The following PPIL4 variants were observed in gnomAD, a reference collection of about 807,000 sequenced individuals.
PPIL4 encodes the protein peptidyl-prolyl cis-trans isomerase-like 4.
Under a neutral mutation model 69.1 loss-of-function variants are expected in PPIL4, and 50 were observed. The ratio of observed to expected loss-of-function variants is 0.72; its 90% CI spans 0.58 to 0.92. The LOEUF (loss-of-function observed/expected upper bound fraction) is 0.92. Ranked by LOEUF, PPIL4 falls within the 40% of genes least tolerant of loss-of-function variation. The probability of loss-of-function intolerance (pLI) is 0.00; values close to 1 mark genes in which losing one functional copy is unlikely to be tolerated. For synonymous variants in PPIL4, 193 were observed against 191.6 expected (o/e 1.01, Z -0.06); for missense variants, 480 against 587.9 (o/e 0.82, Z 1.90).
chr6:149,544,945 G>T (rs1284502769), intron 1 of PPIL4, among the ~76,000 whole-genome samples: 1 of 152,116 alleles, frequency 6.6e-6, no homozygotes, highest in African/African-American at 2.4e-5. Flanking sequence ...CCTGGTCTCA[G>T]TTTCTTCCTG....
chr6:149,541,073 T>A lies in PPIL4; in HGVS notation c.204-14A>T. On this transcript the variant is annotated splice_polypyrimidine_tract_variant and intron_variant, in intron 3 of 12. Coordinates refer to ENST00000253329, the MANE Select transcript of PPIL4 (RefSeq NM_139126.4). ...CCATACAGTTGGCTGAAAAAACATA[T>A]AAGGTTATAAATGTAAGTACTCTCA... The A allele has an allele frequency of 6.8e-7, 1 of 1,461,020 alleles. No homozygotes were observed. The highest frequency in any genetic ancestry group is 2.3e-5 in the East Asian group (1 of 44,076). 90.5% of individuals were successfully genotyped at this position (1,461,020 alleles called of 1,614,324 possible).
At position 149,537,490 on chromosome 6, in the gene PPIL4, G is replaced by A. The variant is rs376163490; in HGVS notation, c.322-1752C>T. Among the ~76,000 whole-genome samples the A allele has an allele frequency of 5.3e-5, 8 of 152,104 alleles. No homozygotes were observed. The South Asian group carries it at 1.5e-3, about 28-fold the overall frequency. The stretch of plus-strand genomic sequence containing the variant: ...TGGGAGGCCGAGGCGGGTGGATCAC[G>A]AGGTCAGGAGATCAAGACCATCCTG... On this transcript the variant is annotated intron_variant, in intron 4 of 12. Transcript: ENST00000253329.
chr6:149,520,785 G>A (rs1016557263), intron 10 of PPIL4, among the ~76,000 whole-genome samples: 5 of 152,072 alleles, frequency 3.3e-5, no homozygotes, highest in Non-Finnish European at 5.9e-5. Flanking sequence ...AGGCCAAGGC[G>A]GTGGATTACC....
intron 10 of PPIL4, among the ~76,000 whole-genome samples, chr6:149,520,222 C>CAT (rs146286749): frequency 4.2e-4 from 63 of 150,572 alleles, no homozygotes; most frequent in South Asian, 1.5e-3. Flanking sequence ...AGGAGAAAAT[C>CAT]ATATATATAT....
chr6:149,545,308 T>C (rs916000555), intron 1 of PPIL4, among the ~76,000 whole-genome samples: 1 of 152,218 alleles, frequency 6.6e-6, no homozygotes, highest in Admixed American at 6.5e-5. Context: ...CGCCCTCTTC[T>C]GGTTTCCGTG....
At chr6:149,517,500 C>CA (rs1318439408) in intron 10 of PPIL4, 50 bp from the exon 11 acceptor site, 1 of 808,274 alleles carries the variant, frequency 1.2e-6, no homozygotes, top group Non-Finnish European at 1.9e-6. Context: ...ACCACCTAAC[C>CA]AAGAACAATA....
chr6:149,521,467 T>C (rs1458773104), intron 9 of PPIL4, among the ~76,000 whole-genome samples: 1 of 152,184 alleles, frequency 6.6e-6, no homozygotes, highest in Non-Finnish European at 1.5e-5. Context: ...AACAGATAAA[T>C]ATACACTTAC....
chr6:149,529,278 T>C (rs929570045), intron 7 of PPIL4, among the ~76,000 whole-genome samples: 1 of 148,252 alleles, frequency 6.7e-6, no homozygotes, highest in Non-Finnish European at 1.5e-5. Flanking sequence ...CCGGGCAACA[T>C]AGTGAGACTC....
At chr6:149,530,377 T>TCTTCCTTACAGTAGAATG in intron 7 of PPIL4, among the ~76,000 whole-genome samples, 1 of 152,088 alleles carries the variant, frequency 6.6e-6, no homozygotes, top group Non-Finnish European at 1.5e-5. Context: ...AAGGGAGGGC[T>TCTTCCTTACAGTAGAATG]CAGGCGGGCA....
chr6:149,505,930 G>A (rs116583274), intron 12 of PPIL4, among the ~76,000 whole-genome samples: 99 of 152,258 alleles, frequency 6.5e-4, no homozygotes, highest in African/African-American at 2.2e-3. Flanking sequence ...TGGCTGAAAC[G>A]AAGGATCAGC....
At chr6:149,517,662 C>T (rs527688682) in intron 10 of PPIL4, 5 of 420,774 alleles carry the variant, frequency 1.2e-5, no homozygotes, top group Non-Finnish European at 1.7e-5. Context: ...TGCCACCTAA[C>T]GATATATGTG....
intron 5 of PPIL4, among the ~76,000 whole-genome samples, chr6:149,535,087 T>A (rs1324593934): frequency 6.6e-6 from 1 of 152,238 alleles, no homozygotes; most frequent in African/African-American, 2.4e-5. Flanking sequence ...CTGGGTGCAG[T>A]GGCTCATTCC....
rs1014701584 is a variant in PPIL4, at chr6:149,504,888, C to T, written c.*565G>A. ...TAAGTTGTAGTATATTTATATAATA[C>T]TATATAGCAATAAAAATGAAAGAAA... On this transcript the variant is annotated 3_prime_UTR_variant, in exon 13 of 13. Coordinates refer to ENST00000253329, the MANE Select transcript of PPIL4 (RefSeq NM_139126.4). 1.3e-5 allele frequency: 2 copies of T among 152,238 alleles called. No individual in the cohort carries two copies. Among genetic ancestry groups the T allele is most frequent in the African/African-American group, 2.4e-5 (1 of 41,430 alleles). 9.4% of individuals were successfully genotyped at this position (152,238 alleles called of 1,614,324 possible).
In PPIL4 at chr6:149,517,357, T is replaced by C; in HGVS notation, c.1076A>G (p.Gln359Arg). ...AACTGATTCTTGGTAAGGATACTCC[T>C]GTTTGGGCTTTACTTTATCTTTCAG... ...LVLKDKVKPK[Q>R]DTKYDLILDE... The change falls in exon 11 of 13, where the codon CAG becomes CGG. Residue 359 changes from glutamine (Q) to arginine (R), a missense_variant. Transcript: ENST00000253329. The C allele has an allele frequency of 6.5e-7, 1 of 1,545,948 alleles. No homozygotes were observed.
In PPIL4 at chr6:149,532,488, C is replaced by CT. The variant is rs1777214147; in HGVS notation, c.678+969dup. On this transcript the variant is annotated intron_variant, in intron 7 of 12. Coordinates refer to ENST00000253329, the MANE Select transcript of PPIL4 (RefSeq NM_139126.4). ...GTGTTGGGTGTTCAGAGTCAATACT[C>CT]TGAGATACACAGTGTGCTCATTAAA... 2.6e-5 allele frequency among the ~76,000 whole-genome samples: 4 copies of CT among 152,266 alleles called. No individual in the cohort carries two copies. In the South Asian group the frequency reaches 8.3e-4, roughly 32 times the overall value.
At chr6:149,533,235 A>ACTT (rs763005083) in intron 7 of PPIL4, among the ~76,000 whole-genome samples, 6 of 152,232 alleles carry the variant, frequency 3.9e-5, no homozygotes, top group Non-Finnish European at 8.8e-5. Flanking sequence ...TTAGAGATCC[A>ACTT]CTTCCCACTG....
chr6:149,542,676 A>T (rs1777381555), intron 1 of PPIL4, among the ~76,000 whole-genome samples: 1 of 152,226 alleles, frequency 6.6e-6, no homozygotes, highest in Non-Finnish European at 1.5e-5. Flanking sequence ...TAAAAATTCC[A>T]CAAGAGTTCA....
chr6:149,543,982 T>C (rs1777402750), intron 1 of PPIL4, among the ~76,000 whole-genome samples: 1 of 152,208 alleles, frequency 6.6e-6, no homozygotes, highest in South Asian at 2.1e-4. Flanking sequence ...TAAGTGAGTA[T>C]AAATATAGCA....
At chr6:149,512,853 C>T (rs1776876341) in intron 11 of PPIL4, among the ~76,000 whole-genome samples, 2 of 152,046 alleles carry the variant, frequency 1.3e-5, no homozygotes, top group African/African-American at 4.8e-5. Context: ...AGCAATTCTC[C>T]TGCCTCAGCC....
Sources: gnomAD v4.1 joint callset for allele counts (sites outside exome capture counted in the v4.1 genomes callset) on GRCh38, gnomAD v4.1.1 for gene constraint, MANE v1.5 for transcripts, NCBI Gene and HGNC (gene_info 2026-07-23, HGNC 2026-07-21) for gene names.